Variants in POLR1A observed in about 807,000 individuals in gnomAD.
The protein encoded by POLR1A is RNA polymerase I subunit A, also known as DNA-directed RNA polymerase I subunit RPA1.
Under a neutral mutation model 205.3 loss-of-function variants are expected in POLR1A, and 84 were observed. The observed-to-expected ratio is 0.41, with a 90% CI of 0.34 to 0.49. The LOEUF is 0.49. POLR1A is among the 20% of genes least tolerant of loss of function. The pLI is 0.22. For synonymous variants in POLR1A, 799 were observed against 863.7 expected (o/e 0.93, Z 1.31); for missense variants, 1,645 against 2,204.5 (o/e 0.75, Z 5.08).
chr2:86,079,011 A>G (rs920733008), intron 9 of POLR1A, among the ~76,000 whole-genome samples: 5 of 152,148 alleles, frequency 3.3e-5, no homozygotes, highest in Admixed American at 2.6e-4. Flanking sequence ...TCGACTGGGT[A>G]TGACACAAGG....
At chr2:86,084,972 T>C (rs1211026755) in intron 6 of POLR1A, among the ~76,000 whole-genome samples, 1 of 151,958 alleles carries the variant, frequency 6.6e-6, no homozygotes, top group Non-Finnish European at 1.5e-5. Flanking sequence ...AGTATTTTCT[T>C]TTTTTCTGAG....
intron 3 of POLR1A, among the ~76,000 whole-genome samples, chr2:86,093,047 T>G (rs144907083): frequency 2.2e-4 from 33 of 152,344 alleles, no homozygotes; most frequent in African/African-American, 7.5e-4. Flanking sequence ...CAGGTTAATT[T>G]AACATTAGGA....
chr2:86,078,175 T>C lies in POLR1A; in HGVS notation c.1196A>G (p.Asn399Ser), dbSNP rs779511510. ...GTCCATCTCGCTATCAAACACAATA[T>C]TGACGTGGCTCTGAAGGCGAATCCA... The part of the protein sequence containing the change: ...NIWIRLQSHV[N>S]IVFDSEMDKL... Residue 399 changes from asparagine (N) to serine (S), a missense_variant, in exon 10 of 34, where the codon AAT becomes AGT. By Grantham distance (46) the Asn-to-Ser change is conservative (BLOSUM62 1). This residue lies in a region of POLR1A where 131 missense variants were observed against 214.5 expected (regional missense o/e 0.61). Coordinates refer to ENST00000263857, the MANE Select transcript of POLR1A (RefSeq NM_015425.6). 3 of 1,613,502 alleles carry C rather than the reference T, an allele frequency of 1.9e-6. No homozygotes were observed. The highest frequency in any genetic ancestry group is 2.7e-5 in the African/African-American group (2 of 74,874).
intron 25 of POLR1A, 112 bp downstream of exon 25, chr2:86,040,280 C>A: frequency 1.2e-6 from 1 of 866,242 alleles, no homozygotes; most frequent in Non-Finnish European, 1.6e-6. Context: ...CCCTCTCTCA[C>A]ACAGACACAC....
chr2:86,066,456 C>A (rs941294206), intron 13 of POLR1A, among the ~76,000 whole-genome samples: 2 of 152,182 alleles, frequency 1.3e-5, no homozygotes, highest in Non-Finnish European at 2.9e-5. Context: ...TCTGTGTTCA[C>A]GGCAACATAA....
At chr2:86,031,782 G>A (rs114607039) in intron 29 of POLR1A, 147 bp from the exon 30 acceptor site, 24 of 1,083,010 alleles carry the variant, frequency 2.2e-5, no homozygotes, top group Middle Eastern at 3.0e-4. Context: ...CCTCTGCTCC[G>A]GCCTGGTTGG....
At position 86,023,055 on chromosome 2, in the gene POLR1A, T is replaced by C. The variant is rs1690179711; in HGVS notation, c.*4368A>G. ...CTACTAAAAATACAGAATCGATCTT[T>C]TTAAAAAGCTCCCTAAGTGTTTCTA... On this transcript the variant is annotated 3_prime_UTR_variant, in exon 34 of 34. Coordinates refer to ENST00000263857, the MANE Select transcript of POLR1A (RefSeq NM_015425.6). The C allele has an allele frequency of 6.6e-6, 1 of 152,178 alleles. No homozygotes were observed. The highest frequency in any genetic ancestry group is 2.4e-5 in the African/African-American group (1 of 41,450). 9.4% of individuals were successfully genotyped at this position (152,178 alleles called of 1,614,324 possible).
At chr2:86,029,317 G>C (rs1251992976) in intron 31 of POLR1A, among the ~76,000 whole-genome samples, 1 of 152,068 alleles carries the variant, frequency 6.6e-6, no homozygotes, top group African/African-American at 2.4e-5. Context: ...GGCAGGGGGA[G>C]CTTTGCCAGC....
rs1672723813 is a variant in POLR1A at position 86,047,154 on chromosome 2, T to C, written c.2733+11A>G. The C allele has an allele frequency of 6.2e-7, 1 of 1,606,984 alleles. No individual in the cohort carries two copies. The highest frequency in any genetic ancestry group is 8.5e-7 in the Non-Finnish European group (1 of 1,173,688). Reference sequence around the variant, plus strand: ...ACACCTGTAAAGCTGCCAACCCGCCTCTGCACATACCTGCATCGTGTTCAC... The same window carrying C: ...ACACCTGTAAAGCTGCCAACCCGCCCCTGCACATACCTGCATCGTGTTCAC... On this transcript the variant is annotated intron_variant, in intron 19 of 33. Coordinates refer to ENST00000263857, the MANE Select transcript of POLR1A (RefSeq NM_015425.6).
At position 86,045,728 on chromosome 2, in the gene POLR1A, T is replaced by C. The variant is rs1573808951; in HGVS notation, c.2775A>G (p.Arg925=). ...LLGQIELEGR[R]PPLMASGKSL... ...ACTTGCCAGACGCCATCAGCGGGGG[T>C]CTCCGACCTTCCAGTTCAATCTGGC... The change falls in exon 20 of 34, where the codon AGA becomes AGG. Residue 925 remains arginine, a synonymous_variant. Coordinates refer to ENST00000263857, the MANE Select transcript of POLR1A (RefSeq NM_015425.6). 1 of 1,608,078 alleles carries C rather than the reference T, an allele frequency of 6.2e-7. No homozygotes were observed. The highest frequency in any genetic ancestry group is 2.2e-5 in the East Asian group (1 of 44,814).
At chr2:86,046,825 T>C (rs550426702) in intron 19 of POLR1A, among the ~76,000 whole-genome samples, 142 of 151,750 alleles carry the variant, frequency 9.4e-4, no homozygotes, top group African/African-American at 3.3e-3. Flanking sequence ...CAAGACTTCA[T>C]CTCGAAAAAA....
chr2:86,092,394 C>T (rs963643340), intron 3 of POLR1A, among the ~76,000 whole-genome samples: 2 of 152,202 alleles, frequency 1.3e-5, no homozygotes, highest in Admixed American at 6.5e-5. Context: ...CGTTCCTTTG[C>T]GTTTGAGCAG....
rs1166893623 is a variant in POLR1A at position 86,021,471 on chromosome 2, C to T, written c.*5952G>A. On this transcript the variant is annotated 3_prime_UTR_variant, in exon 34 of 34. Transcript: ENST00000263857. ...GATTCTTTTTCAGTTTCCCTCCCTT[C>T]TGGCTGTTGAACACCCAAGTACCTC... 1 of 152,402 alleles carries T rather than the reference C, an allele frequency of 6.6e-6. No homozygotes were observed. The highest frequency in any genetic ancestry group is 2.4e-5 in the African/African-American group (1 of 41,456). 9.4% of individuals were successfully genotyped at this position (152,402 alleles called of 1,614,324 possible).
intron 14 of POLR1A, among the ~76,000 whole-genome samples, chr2:86,064,126 T>C (rs1673046939): frequency 6.6e-6 from 1 of 152,188 alleles, no homozygotes; most frequent in African/African-American, 2.4e-5. Flanking sequence ...CTGTCACGGG[T>C]GAGATTTTTT....
chr2:86,093,744 G>A (rs563736060), intron 3 of POLR1A, among the ~76,000 whole-genome samples: 182 of 152,258 alleles, frequency 1.2e-3, no homozygotes, highest in African/African-American at 3.9e-3. Flanking sequence ...GTGGGAGATC[G>A]CTTGAACCCC....
intron 14 of POLR1A, among the ~76,000 whole-genome samples, chr2:86,056,522 C>T (rs557605515): frequency 1.3e-4 from 20 of 151,276 alleles, no homozygotes; most frequent in African/African-American, 4.4e-4. Context: ...TGAAGGTTGC[C>T]GCACTAAACA....
chr2:86,089,008 A>G, intron 4 of POLR1A, 138 bp from the exon 5 acceptor site: 1 of 616,376 alleles, frequency 1.6e-6, no homozygotes. Context: ...AAAATCTTCC[A>G]TAGAACCCTA....
chr2:86,071,822 T>G (rs1426492516), intron 12 of POLR1A, among the ~76,000 whole-genome samples: 1 of 152,120 alleles, frequency 6.6e-6, no homozygotes, highest in Non-Finnish European at 1.5e-5. Flanking sequence ...AAGTGACACC[T>G]TAAAAGACAA....
At chr2:86,103,737 G>C (rs1673865473) in intron 1 of POLR1A, among the ~76,000 whole-genome samples, 1 of 152,212 alleles carries the variant, frequency 6.6e-6, no homozygotes, top group Non-Finnish European at 1.5e-5. Flanking sequence ...AGAAGCTCAA[G>C]GATAGTGGAG....
Sources: allele counts gnomAD v4.1 joint callset (sites outside exome capture counted in the v4.1 genomes callset), GRCh38; gene constraint gnomAD v4.1.1; regional missense constraint gnomAD v4.1.1; transcripts MANE v1.5; gene names NCBI Gene and HGNC (gene_info 2026-07-23, HGNC 2026-07-21).